SCOC: variants seen among roughly 807,000 people sequenced by gnomAD.
SCOC encodes short coiled-coil protein.
A neutral mutation model predicts 9.9 loss-of-function variants in SCOC; 7 were observed. That is an observed-to-expected ratio of 0.71 (90% CI 0.40 to 1.33). SCOC has a LOEUF of 1.33. Among genes scored for constraint, SCOC ranks in the 40% most tolerant of loss-of-function variants. SCOC has a pLI of 0.01. For missense variants in SCOC, 66 were observed against 89.7 expected (o/e 0.74, Z 1.07); for synonymous variants, 19 against 28.2 (o/e 0.67, Z 1.03).
At chr4:140,333,608 A>C (rs1732879286) in intron 1 of SCOC, among the ~76,000 whole-genome samples, 1 of 152,186 alleles carries the variant, frequency 6.6e-6, no homozygotes, top group Admixed American at 6.5e-5. Flanking sequence ...TACTGACTAA[A>C]AGTTACATAC....
intron 2 of SCOC, among the ~76,000 whole-genome samples, chr4:140,344,896 C>G (rs1307568064): frequency 1.3e-5 from 2 of 152,166 alleles, no homozygotes; most frequent in Non-Finnish European, 2.9e-5. Flanking sequence ...GAATGTGACT[C>G]AGCCCAGAAT....
At chr4:140,323,405 C>T (rs1254903217) in intron 1 of SCOC, among the ~76,000 whole-genome samples, 1 of 152,128 alleles carries the variant, frequency 6.6e-6, no homozygotes, top group Non-Finnish European at 1.5e-5. Flanking sequence ...TAGAAATTAC[C>T]CAGCCTCATG....
chr4:140,327,662 A>T (rs1057437343), intron 1 of SCOC, among the ~76,000 whole-genome samples: 2 of 152,200 alleles, frequency 1.3e-5, no homozygotes, highest in Admixed American at 6.5e-5. Flanking sequence ...TTGACAACTA[A>T]TTATGTTGAT....
At chr4:140,289,198 G>A (rs765503609) in intron 1 of SCOC, among the ~76,000 whole-genome samples, 2 of 152,204 alleles carry the variant, frequency 1.3e-5, no homozygotes, top group Non-Finnish European at 2.9e-5. Context: ...TGAACCAGTA[G>A]TCATAGAGAG....
chr4:140,343,969 A>C (rs1405675070), intron 2 of SCOC, among the ~76,000 whole-genome samples: 5 of 152,178 alleles, frequency 3.3e-5, no homozygotes, highest in African/African-American at 1.2e-4. Flanking sequence ...CTAAAAGTTC[A>C]GGAAACATGA....
intron 1 of SCOC, among the ~76,000 whole-genome samples, chr4:140,292,195 T>G (rs1314126317): frequency 1.3e-5 from 2 of 151,684 alleles, no homozygotes; most frequent in Non-Finnish European, 2.9e-5. Flanking sequence ...TCTGGTTTTT[T>G]TTTTTTTTTT....
upstream of SCOC, among the ~76,000 whole-genome samples, chr4:140,371,573 T>C (rs565173196): frequency 6.6e-6 from 1 of 152,352 alleles, no homozygotes; most frequent in Admixed American, 6.5e-5. Context: ...TAATGAATAA[T>C]AGTTTTTTCC....
chr4:140,341,017 C>T (rs529332881), upstream of SCOC, among the ~76,000 whole-genome samples: 13 of 151,646 alleles, frequency 8.6e-5, no homozygotes, highest in Non-Finnish European at 1.5e-4. Flanking sequence ...AGGCTGGTCT[C>T]GAACTCCTGA....
chr4:140,366,236 T>G (rs1279291410), intron 2 of SCOC: 10 of 1,123,252 alleles, frequency 8.9e-6, no homozygotes, highest in African/African-American at 1.6e-5. Context: ...TAATCACCTC[T>G]TTCTTGCCAA....
chr4:140,348,548 ATATG>A (rs1449162458), intron 2 of SCOC, among the ~76,000 whole-genome samples: 2 of 108,408 alleles, frequency 1.8e-5, no homozygotes, highest in Non-Finnish European at 3.8e-5. Flanking sequence ...GTATGTATAT[ATATG>A]TGTGTATATA....
At chr4:140,262,468 C>T (rs1176649118) in intron 1 of SCOC, among the ~76,000 whole-genome samples, 2 of 152,158 alleles carry the variant, frequency 1.3e-5, no homozygotes, top group Non-Finnish European at 2.9e-5. Flanking sequence ...ACTATAATCT[C>T]CAAAACACTG....
chr4:140,280,050 T>C (rs1353632665), intron 1 of SCOC, among the ~76,000 whole-genome samples: 2 of 152,210 alleles, frequency 1.3e-5, no homozygotes, highest in African/African-American at 4.8e-5. Context: ...TACTTCCAAT[T>C]TCACTCCTTT....
chr4:140,362,167 G>T (rs916235665), intron 2 of SCOC, among the ~76,000 whole-genome samples: 13 of 151,138 alleles, frequency 8.6e-5, no homozygotes, highest in Non-Finnish European at 1.8e-4. Context: ...CTTCACACTG[G>T]GCATGATTTG....
chr4:140,327,488 A>G (rs1732684154), intron 1 of SCOC, among the ~76,000 whole-genome samples: 1 of 152,198 alleles, frequency 6.6e-6, no homozygotes, highest in South Asian at 2.1e-4. Context: ...ATTTAAATAG[A>G]AATTATTTTT....
intron 1 of SCOC, among the ~76,000 whole-genome samples, chr4:140,294,332 C>T (rs999242664): frequency 6.6e-6 from 1 of 152,184 alleles, no homozygotes; most frequent in Admixed American, 6.5e-5. Flanking sequence ...TCTCAGCTTA[C>T]TTCCCATGGA....
chr4:140,308,099 T>C (rs988011437), intron 1 of SCOC, among the ~76,000 whole-genome samples: 7 of 151,900 alleles, frequency 4.6e-5, no homozygotes, highest in Non-Finnish European at 8.8e-5. Flanking sequence ...TTTCAGAGAG[T>C]GGGATATGAT....
At chr4:140,319,874 A>C (rs185148808) in intron 1 of SCOC, among the ~76,000 whole-genome samples, 130 of 152,346 alleles carry the variant, frequency 8.5e-4, no homozygotes, top group African/African-American at 3.0e-3. Flanking sequence ...AGGGAGAAAC[A>C]GTATTCAAGC....
intron 1 of SCOC, among the ~76,000 whole-genome samples, chr4:140,308,182 C>A (rs1023357608): frequency 1.3e-5 from 2 of 152,126 alleles, no homozygotes; most frequent in African/African-American, 4.8e-5. Flanking sequence ...ACAAAATAGG[C>A]TTGTTGTTAG....
rs70943486 is a variant in SCOC at position 140,332,359 on chromosome 4, CTTTTTTTTTTTTTT to C, written c.-18-11245_-18-11232del. Among the ~76,000 whole-genome samples, 5 of 76,776 alleles carry C rather than the reference CTTTTTTTTTTTTTT, an allele frequency of 6.5e-5. No individual in the cohort carries two copies. The East Asian group carries it at 1.2e-3, about 19-fold the overall frequency. The allele number at this position is 76,776 out of a possible 152,430, so 50.4% of individuals were successfully genotyped here. ...CTCATGCCAAAAACTCTGGAGTCAT[CTTTTTTTTTTTTTT>C]TTTTTTTTTTTTTTTTGAGACGGAG... On this transcript the variant is annotated intron_variant, in intron 1 of 4. Transcript: ENST00000394205.
Sources: gnomAD v4.1 joint callset for allele counts (sites outside exome capture counted in the v4.1 genomes callset) on GRCh38, gnomAD v4.1.1 for gene constraint, MANE v1.5 for transcripts, NCBI Gene and HGNC (gene_info 2026-07-23, HGNC 2026-07-21) for gene names.